OPCML: variants seen among roughly 807,000 people sequenced by gnomAD.
OPCML encodes opioid-binding protein/cell adhesion molecule.
A neutral mutation model predicts 37.8 loss-of-function variants in OPCML; 13 were observed. The ratio of observed to expected loss-of-function variants is 0.34; its 90% confidence interval spans 0.22 to 0.55. The LOEUF is 0.55. OPCML is among the 20% of genes least tolerant of loss of function. OPCML has a pLI of 0.91. For synonymous variants in OPCML, 176 were observed against 168.8 expected, an observed-to-expected ratio of 1.04 and a Z score of -0.33; for missense variants, 341 against 435.6, an observed-to-expected ratio of 0.78 and a Z score of 1.93.
intron 1 of OPCML, among the ~76,000 whole-genome samples, chr11:133,167,217 G>C (rs948157752): frequency 6.6e-6 from 1 of 151,984 alleles, no homozygotes; most frequent in Non-Finnish European, 1.5e-5. Flanking sequence ...TCATCCCATT[G>C]GGTCTTTGCT....
At chr11:133,408,338 G>T (rs1235567334) in intron 1 of OPCML, among the ~76,000 whole-genome samples, 1 of 152,180 alleles carries the variant, frequency 6.6e-6, no homozygotes, top group Non-Finnish European at 1.5e-5. Flanking sequence ...AGGAATAAAC[G>T]TTTCTGCAGT....
At chr11:133,458,824 T>TGTGTGTGTATATACACATAGATGCAC (rs1423731916) in intron 1 of OPCML, among the ~76,000 whole-genome samples, 12 of 148,444 alleles carry the variant, frequency 8.1e-5, no homozygotes, top group East Asian at 2.0e-4. Context: ...TAGATGCACG[T>TGTGTGTGTATATACACATAGATGCAC]GTGTGTGTAT....
chr11:132,647,901 G>T (rs2135741216), intron 3 of OPCML, among the ~76,000 whole-genome samples: 1 of 152,324 alleles, frequency 6.6e-6, no homozygotes, highest in Middle Eastern at 3.4e-3. Flanking sequence ...CAATTTCTAT[G>T]CCTATAGAGG....
At chr11:133,519,231 T>A (rs1434045618) in intron 1 of OPCML, among the ~76,000 whole-genome samples, 2 of 152,210 alleles carry the variant, frequency 1.3e-5, no homozygotes, top group African/African-American at 4.8e-5. Flanking sequence ...AGTTCTAACC[T>A]TGGCTTTCTG....
chr11:132,692,667 T>C (rs372565268), intron 2 of OPCML, among the ~76,000 whole-genome samples: 22 of 152,220 alleles, frequency 1.4e-4, no homozygotes, highest in African/African-American at 5.1e-4. Flanking sequence ...TAGTAAATCC[T>C]GTTCACAATT....
intron 1 of OPCML, among the ~76,000 whole-genome samples, chr11:133,142,373 C>G (rs1382324006): frequency 6.6e-6 from 1 of 152,180 alleles, no homozygotes; most frequent in African/African-American, 2.4e-5. Context: ...AGACCTATGT[C>G]CATGTCACTC....
intron 2 of OPCML, among the ~76,000 whole-genome samples, chr11:132,894,927 TA>T: frequency 6.6e-6 from 1 of 152,322 alleles, no homozygotes; most frequent in East Asian, 1.9e-4. Flanking sequence ...TCAGCCTCAG[TA>T]ATCAGGTGAG....
chr11:133,230,971 G>C (rs1456134679), intron 1 of OPCML, among the ~76,000 whole-genome samples: 1 of 152,174 alleles, frequency 6.6e-6, no homozygotes, highest in Non-Finnish European at 1.5e-5. Flanking sequence ...CATAACCAGG[G>C]AGGGTGTGCA....
At chr11:133,456,377 A>T (rs1000668115) in intron 1 of OPCML, among the ~76,000 whole-genome samples, 3 of 152,148 alleles carry the variant, frequency 2.0e-5, no homozygotes, top group African/African-American at 7.2e-5. Flanking sequence ...CGAGGCTGAA[A>T]GGCCCCCTGA....
intron 1 of OPCML, among the ~76,000 whole-genome samples, chr11:133,112,307 AAAAGGG>A (rs1156652635): frequency 5.8e-5 from 8 of 138,912 alleles, no homozygotes; most frequent in Non-Finnish European, 1.1e-4. Flanking sequence ...AAAAAAAAAA[AAAAGGG>A]GAAAGAAACA....
intron 2 of OPCML, among the ~76,000 whole-genome samples, chr11:132,663,855 C>T (rs1407313373): frequency 2.0e-5 from 3 of 152,102 alleles, no homozygotes; most frequent in Non-Finnish European, 4.4e-5. Context: ...TGTTTTGAGA[C>T]GGAGTCTCAC....
At chr11:133,395,897 T>C (rs1181703311) in intron 1 of OPCML, among the ~76,000 whole-genome samples, 1 of 152,164 alleles carries the variant, frequency 6.6e-6, no homozygotes, top group Non-Finnish European at 1.5e-5. Flanking sequence ...AATTTTAGGA[T>C]TGTTTTTGCT....
chr11:133,161,905 C>G lies in OPCML; in HGVS notation c.62-218895G>C, dbSNP rs532400885. ...TCAAAACCCAGCACAGTGCCTGCCT[C>G]CCGGTACCCTCCAGTGACACTTTCC... On this transcript the variant is annotated intron_variant, in intron 1 of 7. Coordinates refer to ENST00000524381, the MANE Select transcript of OPCML (RefSeq NM_001012393.5). Among the ~76,000 whole-genome samples, 5 of 151,850 alleles carry G rather than the reference C, an allele frequency of 3.3e-5. No homozygotes were observed. In the South Asian group the frequency reaches 1.0e-3, roughly 32 times the overall value.
At chr11:133,337,179 TG>T (rs1474156420) in intron 1 of OPCML, among the ~76,000 whole-genome samples, 10 of 152,364 alleles carry the variant, frequency 6.6e-5, no homozygotes, top group Non-Finnish European at 1.2e-4. Context: ...TCAGTAATTC[TG>T]TTTCTTTTCC....
At chr11:132,704,638 A>T (rs1372158481) in intron 2 of OPCML, among the ~76,000 whole-genome samples, 1 of 152,240 alleles carries the variant, frequency 6.6e-6, no homozygotes, top group Non-Finnish European at 1.5e-5. Flanking sequence ...TAAAATAAAC[A>T]AAAGTAAGGT....
intron 2 of OPCML, among the ~76,000 whole-genome samples, chr11:132,834,792 G>A (rs773853584): frequency 6.6e-5 from 10 of 152,152 alleles, no homozygotes; most frequent in South Asian, 2.1e-4. Context: ...GCAAGAGAGC[G>A]TAGGACTTCA....
intron 1 of OPCML, among the ~76,000 whole-genome samples, chr11:133,081,674 G>A (rs1051654735): frequency 9.9e-5 from 15 of 152,232 alleles, no homozygotes; most frequent in African/African-American, 3.1e-4. Flanking sequence ...TCCTGCTACT[G>A]GACCTAAGCA....
At chr11:133,471,735 A>G (rs929736681) in intron 1 of OPCML, among the ~76,000 whole-genome samples, 2 of 152,212 alleles carry the variant, frequency 1.3e-5, no homozygotes, top group Non-Finnish European at 2.9e-5. Context: ...AAATGTTTCC[A>G]TGATGCTCAT....
rs7932903 is a variant in OPCML at position 133,106,885 on chromosome 11, G to A, written c.62-163875C>T. 9.4e-3 allele frequency among the ~76,000 whole-genome samples: 1,430 copies of A among 152,278 alleles called. 27 individuals are homozygous for A. Among genetic ancestry groups the A allele is most frequent in the African/African-American group, 0.033 (1,356 of 41,550 alleles). On this transcript the variant is annotated intron_variant, in intron 1 of 7. Transcript: ENST00000524381. ...CTCTCTTGGCCTAGCCCCACTCAAG[G>A]TAAAATAGACTGCAGACTGCCCACT... is the stretch of plus-strand genomic sequence containing the variant.
Sources: gnomAD v4.1 joint callset for allele counts (sites outside exome capture counted in the v4.1 genomes callset) on GRCh38, gnomAD v4.1.1 for gene constraint, MANE v1.5 for transcripts, NCBI Gene and HGNC (gene_info 2026-07-23, HGNC 2026-07-21) for gene names.